The following MS4A4A variants were observed in gnomAD, a reference collection of about 807,000 sequenced individuals.
MS4A4A encodes the protein membrane-spanning 4-domains subfamily A member 4A.
Under a neutral mutation model 28.0 loss-of-function variants are expected in MS4A4A, and 26 were observed. The ratio of observed to expected loss-of-function variants is 0.93; its 90% confidence interval spans 0.68 to 1.29. MS4A4A has a LOEUF of 1.29. Ranked by LOEUF, MS4A4A falls within the 50% of genes most tolerant of loss-of-function variation. MS4A4A has a pLI of 0.00. For missense variants in MS4A4A, 290 were observed against 293.1 expected (o/e 0.99, Z 0.08); for synonymous variants, 86 against 100.8 (o/e 0.85, Z 0.88).
chr11:60,307,800 C>T (rs772547385), intron 6 of MS4A4A, among the ~76,000 whole-genome samples: 1 of 152,040 alleles, frequency 6.6e-6, no homozygotes, highest in Non-Finnish European at 1.5e-5. Flanking sequence ...GGAAGAAGAG[C>T]CCCATATTTT....
intron 1 of MS4A4A, among the ~76,000 whole-genome samples, chr11:60,281,021 C>T (rs2084751122): frequency 2.0e-5 from 3 of 152,158 alleles, no homozygotes; most frequent in African/African-American, 7.2e-5. Flanking sequence ...ACACTGAAAG[C>T]AACATTTTAA....
In MS4A4A at chr11:60,306,085, T is replaced by A; in HGVS notation, c.547-15T>A. ...CTCCATTTCTCACATTCCTTTGTTA[T>A]GAGTTTTCTCCTAGGGTCTGGATGG... On this transcript the variant is annotated splice_polypyrimidine_tract_variant and intron_variant, in intron 5 of 6. Coordinates refer to ENST00000337908, the MANE Select transcript of MS4A4A (RefSeq NM_148975.3). 1 of 1,573,698 alleles carries A rather than the reference T, an allele frequency of 6.4e-7. No individual in the cohort carries two copies. The highest frequency in any genetic ancestry group is 8.7e-7 in the Non-Finnish European group (1 of 1,146,542).
intron 1 of MS4A4A, among the ~76,000 whole-genome samples, chr11:60,291,671 G>A (rs1026045455): frequency 1.7e-4 from 26 of 151,832 alleles, no homozygotes; most frequent in Admixed American, 9.8e-4. Flanking sequence ...GGTGGCACGC[G>A]CCTGTAGTAA....
rs181399043 is a variant in MS4A4A, at chr11:60,286,546, G to A, written c.42-5679G>A. 4.6e-3 allele frequency among the ~76,000 whole-genome samples: 702 copies of A among 152,240 alleles called. 5 individuals are homozygous for A. Among genetic ancestry groups the A allele is most frequent in the South Asian group, 0.01 (49 of 4,818 alleles). On this transcript the variant is annotated intron_variant, in intron 1 of 6. Coordinates refer to ENST00000337908, the MANE Select transcript of MS4A4A (RefSeq NM_148975.3). ...AGCCATGGCTTCAGCCGGTCCCTCC[G>A]TTCGGGGTCCCTGACTTCCCGCAAC...
chr11:60,294,889 A>ACTTCTTCTTCTT (rs1238058277), intron 2 of MS4A4A, among the ~76,000 whole-genome samples: 15 of 29,972 alleles, frequency 5.0e-4, no homozygotes, highest in East Asian at 1.1e-3. Context: ...TCCTACAACT[A>ACTTCTTCTTCTT]CTACTTCTTC....
intron 1 of MS4A4A, among the ~76,000 whole-genome samples, chr11:60,281,207 G>T (rs2084752639): frequency 6.6e-6 from 1 of 152,108 alleles, no homozygotes. Flanking sequence ...ATTTAGATGG[G>T]CTGTGGCCTG....
rs200947019 is a variant in MS4A4A, at chr11:60,302,709, A to T, written c.538A>T (p.Ile180Phe). 1.2e-6 allele frequency: 2 copies of T among 1,613,498 alleles called. No individual in the cohort carries two copies. The highest frequency in any genetic ancestry group is 2.7e-5 in the African/African-American group (2 of 74,926). The stretch of plus-strand genomic sequence containing the variant: ...AAATAATTGTCATGGGACTATGTCC[A>T]TCTTAATGGTTGGTACTGCCTCTTT... ...NSNNCHGTMS[I>F]LMGLDGMVLL... Residue 180 changes from isoleucine (I) to phenylalanine (F), a missense_variant, in exon 5 of 7, where the codon ATC (isoleucine) becomes TTC (phenylalanine). Coordinates refer to ENST00000337908, the MANE Select transcript of MS4A4A (RefSeq NM_148975.3).
chr11:60,284,209 T>C (rs2084782811), intron 1 of MS4A4A, among the ~76,000 whole-genome samples: 1 of 152,246 alleles, frequency 6.6e-6, no homozygotes, highest in Admixed American at 6.5e-5. Flanking sequence ...CTGTGAATAA[T>C]AGAATATATC....
intron 5 of MS4A4A, among the ~76,000 whole-genome samples, chr11:60,303,860 CT>C (rs1242532455): frequency 1.3e-5 from 2 of 152,176 alleles, no homozygotes; most frequent in Non-Finnish European, 2.9e-5. Flanking sequence ...AACATTCTTC[CT>C]AACTTACTAA....
At chr11:60,300,891 G>A in intron 3 of MS4A4A, 110 bp from the exon 4 acceptor site, 1 of 743,212 alleles carries the variant, frequency 1.3e-6, no homozygotes. Context: ...TTTTCTTTAA[G>A]ATAATTGGTC....
At chr11:60,301,527 GA>G (rs2084952656) in intron 4 of MS4A4A, among the ~76,000 whole-genome samples, 1 of 152,186 alleles carries the variant, frequency 6.6e-6, no homozygotes, top group Non-Finnish European at 1.5e-5. Context: ...CTCATGCCAA[GA>G]TGCCTTTCAT....
rs2084962050 is a variant in MS4A4A, at chr11:60,302,634, T to G, written c.463T>G (p.Leu155Val). Residue 155 changes from leucine (L) to valine (V), a missense_variant, in exon 5 of 7, where the codon TTG becomes GTG. Transcript: ENST00000337908. Reference sequence around the variant, plus strand: ...AGGGATCTTAATCAACACATTTAGCTTGGCGTTTTATTCATTCCATCACCC... The same window carrying G: ...AGGGATCTTAATCAACACATTTAGCGTGGCGTTTTATTCATTCCATCACCC... ...ASGILINTFSLAFYSFHHPYC... is the reference protein window; with the variant it reads ...ASGILINTFSVAFYSFHHPYC... 6.2e-7 allele frequency: 1 copy of G among 1,614,114 alleles called. No individual in the cohort carries two copies. Among genetic ancestry groups the G allele is most frequent in the East Asian group, 2.2e-5 (1 of 44,864 alleles).
At chr11:60,302,193 A>G (rs546427461) in intron 4 of MS4A4A, among the ~76,000 whole-genome samples, 11 of 152,378 alleles carry the variant, frequency 7.2e-5, no homozygotes, top group African/African-American at 2.4e-4. Flanking sequence ...GAGGCATGAC[A>G]GGCAAACAGC....
chr11:60,292,381 T>C lies in MS4A4A; in HGVS notation c.198T>C (p.Leu66=). The C allele has an allele frequency of 1.3e-6, 2 of 1,588,384 alleles. No homozygotes were observed. The highest frequency in any genetic ancestry group is 1.2e-5 in the South Asian group (1 of 86,174). ...TCTTGAAGGGAGAACCCAAAGTCCT[T>C]GGGGTAAGTTGCAAATCTAGGGGAA... ...EKFLKGEPKV[L]GVVQILTALM... The change falls in exon 2 of 7, where the codon CTT becomes CTC. Residue 66 remains leucine, a synonymous_variant. Transcript: ENST00000337908.
In MS4A4A at chr11:60,297,292, G is replaced by A. The variant is rs1371037748; in HGVS notation, c.297G>A (p.Val99=). The A allele has an allele frequency of 8.1e-6, 13 of 1,613,368 alleles. No individual in the cohort carries two copies. Among genetic ancestry groups the A allele is most frequent in the Non-Finnish European group, 1.1e-5 (13 of 1,179,548 alleles). The change falls in exon 3 of 7, where the codon GTG becomes GTA. Residue 99 remains valine (V), a synonymous_variant. Transcript: ENST00000337908. Reference sequence around the variant, plus strand: ...CTTATGGAAGTAACCCTATTTCCGTGTATATCGGGTACACAATTTGGGGGT... The same window carrying A: ...CTTATGGAAGTAACCCTATTTCCGTATATATCGGGTACACAATTTGGGGGT... ...SNTYGSNPIS[V]YIGYTIWGSV...
intron 1 of MS4A4A, among the ~76,000 whole-genome samples, chr11:60,291,813 A>AAT (rs1361201643): frequency 6.6e-6 from 1 of 151,918 alleles, no homozygotes; most frequent in South Asian, 2.1e-4. Flanking sequence ...AAAAAACAAA[A>AAT]AAACAAAACT....
intron 3 of MS4A4A, among the ~76,000 whole-genome samples, chr11:60,298,173 A>G (rs1006437897): frequency 6.6e-6 from 1 of 152,102 alleles, no homozygotes; most frequent in Non-Finnish European, 1.5e-5. Flanking sequence ...TTGAGAATAA[A>G]ATACCAAGTT....
chr11:60,299,411 T>C (rs1307399375), intron 3 of MS4A4A, among the ~76,000 whole-genome samples: 2 of 151,488 alleles, frequency 1.3e-5, no homozygotes, highest in African/African-American at 2.4e-5. Flanking sequence ...ACTTTTAGAC[T>C]GAGACAGATT....
intron 1 of MS4A4A, among the ~76,000 whole-genome samples, chr11:60,283,803 A>G (rs2084778073): frequency 6.6e-6 from 1 of 152,218 alleles, no homozygotes; most frequent in African/African-American, 2.4e-5. Flanking sequence ...CTCCAAATCT[A>G]AATTTTGTGT....
Sources: allele counts gnomAD v4.1 joint callset (sites outside exome capture counted in the v4.1 genomes callset), GRCh38; gene constraint gnomAD v4.1.1; transcripts MANE v1.5; gene names NCBI Gene and HGNC (gene_info 2026-07-23, HGNC 2026-07-21).